Variants in NR4A3 observed in about 807,000 individuals in gnomAD.
NR4A3 encodes the protein nuclear receptor subfamily 4 group A member 3.
Under a neutral mutation model 55.6 loss-of-function variants are expected in NR4A3, and 13 were observed. The ratio of observed to expected loss-of-function variants is 0.23; its 90% CI spans 0.15 to 0.37. NR4A3 has a LOEUF of 0.37. Among genes scored for constraint, NR4A3 ranks in the 10% least tolerant of loss-of-function variants. The pLI, the probability that NR4A3 is intolerant of heterozygous loss-of-function variation, is 1.00. For synonymous variants in NR4A3, 342 were observed against 357.9 expected, an observed-to-expected ratio of 0.96 and a Z score of 0.50; for missense variants, 646 against 822.8, an observed-to-expected ratio of 0.79 and a Z score of 2.63.
chr9:99,836,602 C>A (rs956005603), intron 5 of NR4A3, among the ~76,000 whole-genome samples: 2 of 152,244 alleles, frequency 1.3e-5, no homozygotes, highest in African/African-American at 4.8e-5. Flanking sequence ...TTGGGTCACT[C>A]TTTTGCCCTA....
chr9:99,823,327 CT>C (rs1252767348), intron 1 of NR4A3, among the ~76,000 whole-genome samples: 1 of 152,178 alleles, frequency 6.6e-6, no homozygotes, highest in African/African-American at 2.4e-5. Flanking sequence ...CCTCTCCAAC[CT>C]GTTGGAAGCC....
chr9:99,845,056 C>T (rs967457174), intron 6 of NR4A3, among the ~76,000 whole-genome samples: 1 of 152,144 alleles, frequency 6.6e-6, no homozygotes, highest in African/African-American at 2.4e-5. Flanking sequence ...CTAATGTGGA[C>T]TTGCTGTCAC....
chr9:99,855,758 G>A (rs1050143815), intron 7 of NR4A3, among the ~76,000 whole-genome samples: 3 of 152,154 alleles, frequency 2.0e-5, no homozygotes, highest in Non-Finnish European at 4.4e-5. Flanking sequence ...TCCGAGTGGG[G>A]AGTCCTGTTT....
chr9:99,849,925 G>A (rs1664074286), intron 7 of NR4A3, among the ~76,000 whole-genome samples: 2 of 152,212 alleles, frequency 1.3e-5, no homozygotes, highest in East Asian at 1.9e-4. Context: ...CAGCAGGTGG[G>A]GGTGGTCTTC....
At chr9:99,832,598 C>T (rs569613599) in intron 3 of NR4A3, 91 bp from the exon 4 acceptor site, 16 of 1,120,078 alleles carry the variant, frequency 1.4e-5, no homozygotes, top group Non-Finnish European at 1.8e-5. Context: ...ATTGCACTGT[C>T]GCTTTTCACA....
At chr9:99,853,287 T>G (rs1827883802) in intron 7 of NR4A3, among the ~76,000 whole-genome samples, 1 of 151,536 alleles carries the variant, frequency 6.6e-6, no homozygotes, top group South Asian at 2.1e-4. Flanking sequence ...CATGCATCCC[T>G]GCAACTGAAT....
At chr9:99,855,483 T>C (rs1827913126) in intron 7 of NR4A3, among the ~76,000 whole-genome samples, 1 of 152,316 alleles carries the variant, frequency 6.6e-6, no homozygotes, top group East Asian at 1.9e-4. Flanking sequence ...TTATTGAGCA[T>C]CAACTGTGCA....
intron 5 of NR4A3, chr9:99,833,760 A>T (rs1827495204): frequency 7.2e-7 from 1 of 1,398,506 alleles, no homozygotes. Flanking sequence ...CAATTTGTAG[A>T]TTTATCTCGT....
At chr9:99,830,955 C>T (rs1017241119) in intron 3 of NR4A3, among the ~76,000 whole-genome samples, 3 of 152,052 alleles carry the variant, frequency 2.0e-5, no homozygotes, top group Non-Finnish European at 4.4e-5. Flanking sequence ...GAAAACAAAT[C>T]TATACTTGAA....
At chr9:99,843,944 G>A (rs761697303) in intron 5 of NR4A3, among the ~76,000 whole-genome samples, 2 of 151,976 alleles carry the variant, frequency 1.3e-5, no homozygotes, top group African/African-American at 4.8e-5. Context: ...AGTGGAGATG[G>A]GGTTTCACCA....
At chr9:99,827,510 C>T (rs1827324912) in intron 2 of NR4A3, among the ~76,000 whole-genome samples, 2 of 152,304 alleles carry the variant, frequency 1.3e-5, no homozygotes, top group South Asian at 4.1e-4. Context: ...CCTCAATTGG[C>T]ACTCATAAAA....
chr9:99,847,406 GTTTAATGTTTGTC>G lies in NR4A3; in HGVS notation c.1455-28_1455-16del. ...CATGTTGGACAGATTGAACAGACCT[GTTTAATGTTTGTC>G]TTCCTCTCACCTCCCAGGTCAAACA... is the stretch of plus-strand genomic sequence containing the variant. On this transcript the variant is annotated intron_variant, in intron 6 of 7. Coordinates refer to ENST00000395097, the MANE Select transcript of NR4A3 (RefSeq NM_006981.4). 6.2e-7 allele frequency: 1 copy of G among 1,606,030 alleles called. No homozygotes were observed. Among genetic ancestry groups the G allele is most frequent in the Non-Finnish European group, 8.5e-7 (1 of 1,173,838 alleles).
At chr9:99,852,963 G>C (rs530588444) in intron 7 of NR4A3, among the ~76,000 whole-genome samples, 18 of 152,216 alleles carry the variant, frequency 1.2e-4, no homozygotes, top group African/African-American at 3.9e-4. Flanking sequence ...AACTTAGCGG[G>C]GCAAAATAGT....
chr9:99,822,563 T>G lies in NR4A3; in HGVS notation c.-177+156T>G, dbSNP rs1827201674. On this transcript the variant is annotated intron_variant, in intron 1 of 7. Transcript: ENST00000395097. This position sits in a 1 kb window ranked among gnomAD's most constrained non-coding sequence, Gnocchi z 4.9. ...TTTGCTAGCCCAGCGGCCCGTAGGT[T>G]CTGATCTGAAACTTTTCCCCTGTAG... 6.6e-6 allele frequency among the ~76,000 whole-genome samples: 1 copy of G among 152,210 alleles called. No individual in the cohort carries two copies. Among genetic ancestry groups the G allele is most frequent in the South Asian group, 2.1e-4 (1 of 4,834 alleles).
Position 99,822,960 on chromosome 9 carries a change from C to T in NR4A3, c.-177+553C>T, listed in dbSNP as rs951385428. ...GACGGCCAGAGTTTGCAGACGCACT[C>T]GGAGGACCTCAGGAAAGAGGGCGTA... On this transcript the variant is annotated intron_variant, in intron 1 of 7. Coordinates refer to ENST00000395097, the MANE Select transcript of NR4A3 (RefSeq NM_006981.4). The surrounding 1 kb of genome is among the most constrained non-coding windows in gnomAD (Gnocchi z 4.9). Among the ~76,000 whole-genome samples, 39 of 152,206 alleles carry T rather than the reference C, an allele frequency of 2.6e-4. No homozygotes were observed. The highest frequency in any genetic ancestry group is 9.4e-4 in the African/African-American group (39 of 41,526).
chr9:99,825,439 A>G lies in NR4A3; in HGVS notation c.-176-220A>G, dbSNP rs1292675216. Among the ~76,000 whole-genome samples the G allele has an allele frequency of 6.6e-6, 1 of 152,120 alleles. No individual in the cohort carries two copies. Among genetic ancestry groups the G allele is most frequent in the African/African-American group, 2.4e-5 (1 of 41,432 alleles). The stretch of plus-strand genomic sequence containing the variant: ...ACGGTGGTAGGCGCAGTGGGTTCCA[A>G]CAACCTTTCCTCGGCTTCCCCGAGG... On this transcript the variant is annotated intron_variant, in intron 1 of 7. Transcript: ENST00000395097. The surrounding 1 kb of genome is among the most constrained non-coding windows in gnomAD (Gnocchi z 5.0).
At chr9:99,850,183 C>T (rs371444599) in intron 7 of NR4A3, among the ~76,000 whole-genome samples, 2 of 152,132 alleles carry the variant, frequency 1.3e-5, no homozygotes, top group Non-Finnish European at 2.9e-5. Flanking sequence ...TTGAGAACAA[C>T]GAGGATCCAC....
In NR4A3 at chr9:99,863,955, C is replaced by T; in HGVS notation, c.*88C>T. ...GATAGGTTTGGAAACCTATCATTTC[C>T]TGTCCTTCCTTAAGAGGAAAAGCAG... On this transcript the variant is annotated 3_prime_UTR_variant, in exon 8 of 8. Transcript: ENST00000395097. 1 of 1,429,592 alleles carries T rather than the reference C, an allele frequency of 7.0e-7. No homozygotes were observed. Among genetic ancestry groups the T allele is most frequent in the Non-Finnish European group, 9.4e-7 (1 of 1,061,138 alleles). The allele number at this position is 1,429,592 out of a possible 1,614,324, so 88.6% of individuals were successfully genotyped here.
Position 99,833,406 on chromosome 9 carries a change from T to C in NR4A3, c.1206T>C (p.Leu402=). Residue 402 remains leucine (L), a synonymous_variant, in exon 5 of 8, where the codon CTT becomes CTC. Coordinates refer to ENST00000395097, the MANE Select transcript of NR4A3 (RefSeq NM_006981.4). The part of the protein sequence containing the change: ...PSPPICMMNA[L]VRALTDSTPR... ...CTCCAATCTGCATGATGAATGCCCT[T>C]GTCCGAGCTTTAACAGACTCAACAC... The C allele has an allele frequency of 6.2e-7, 1 of 1,614,132 alleles. No homozygotes were observed. The highest frequency in any genetic ancestry group is 1.1e-5 in the South Asian group (1 of 91,088).
Sources: gnomAD v4.1 joint callset for allele counts (sites outside exome capture counted in the v4.1 genomes callset) on GRCh38, gnomAD v4.1.1 for gene constraint, Gnocchi (gnomAD v3.1) non-coding constraint, MANE v1.5 for transcripts, NCBI Gene and HGNC (gene_info 2026-07-23, HGNC 2026-07-21) for gene names.